The following IRGM variants were observed in gnomAD, a reference collection of about 807,000 sequenced individuals.
The protein encoded by IRGM is immunity related GTPase M.
For synonymous variants in IRGM, 98 were observed against 80.6 expected, an observed-to-expected ratio of 1.22 and a Z score of -1.16; for missense variants, 288 against 219.9, an observed-to-expected ratio of 1.31 and a Z score of -1.96.
chr5:150,894,257 G>GT (rs1042092628), intron 3 of IRGM: 5 of 151,570 alleles, frequency 3.3e-5, no homozygotes, highest in African/African-American at 1.2e-4. Context: ...GATAGTAGGT[G>GT]TTATCTTAGA....
At chr5:150,886,122 A>C (rs1037602993) in intron 3 of IRGM, among the ~76,000 whole-genome samples, 1 of 151,998 alleles carries the variant, frequency 6.6e-6, no homozygotes, top group African/African-American at 2.4e-5. Context: ...AAGCATGTTG[A>C]ATTTTATTGA....
intron 1 of IRGM, among the ~76,000 whole-genome samples, chr5:150,869,085 A>G (rs1040927153): frequency 1.6e-4 from 25 of 152,104 alleles, no homozygotes; most frequent in Admixed American, 1.6e-3. Flanking sequence ...AATTCTTTCA[A>G]CTTTTCCCCA....
chr5:150,882,875 C>T (rs114407816), intron 3 of IRGM, among the ~76,000 whole-genome samples: 1 of 152,130 alleles, frequency 6.6e-6, no homozygotes, highest in Non-Finnish European at 1.5e-5. Flanking sequence ...AGGGACCTAA[C>T]AGACATATAC....
chr5:150,890,489 A>G (rs10053750), intron 3 of IRGM, among the ~76,000 whole-genome samples: 31,698 of 151,706 alleles, frequency 0.21, 5,348 homozygotes, highest in African/African-American at 0.45. Flanking sequence ...GCTTTGAACC[A>G]ATCATTCTGC....
chr5:150,886,213 TTTC>T (rs1754519708), intron 3 of IRGM, among the ~76,000 whole-genome samples: 1 of 152,148 alleles, frequency 6.6e-6, no homozygotes, highest in Non-Finnish European at 1.5e-5. Flanking sequence ...ATTTATTTAT[TTTC>T]TTATGTTGAA....
chr5:150,891,257 TTTC>T (rs1265941809), intron 3 of IRGM, among the ~76,000 whole-genome samples: 1 of 152,086 alleles, frequency 6.6e-6, no homozygotes, highest in Non-Finnish European at 1.5e-5. Flanking sequence ...GCCTTCCAGA[TTTC>T]TTTTGTGTTA....
chr5:150,873,690 G>A (rs1421028130), intron 1 of IRGM, among the ~76,000 whole-genome samples: 2 of 152,156 alleles, frequency 1.3e-5, no homozygotes, highest in Non-Finnish European at 1.5e-5. Context: ...TTTCCCCAGT[G>A]CTGGAATGCA....
At chr5:150,872,488 G>A (rs1410228535) in intron 1 of IRGM, among the ~76,000 whole-genome samples, 1 of 152,188 alleles carries the variant, frequency 6.6e-6, no homozygotes, top group Non-Finnish European at 1.5e-5. Flanking sequence ...TTCATAGTGT[G>A]ACCCACAAGG....
chr5:150,902,089 G>A (rs752838108), downstream of IRGM, among the ~76,000 whole-genome samples: 1 of 152,098 alleles, frequency 6.6e-6, no homozygotes, highest in Non-Finnish European at 1.5e-5. Flanking sequence ...TGATTATCCT[G>A]GGAGAAGGTG....
At chr5:150,858,351 A>G (rs1034704785) in intron 1 of IRGM, among the ~76,000 whole-genome samples, 95 of 152,308 alleles carry the variant, frequency 6.2e-4, no homozygotes, top group African/African-American at 2.2e-3. Context: ...GTTTGAAGTC[A>G]GGTAGTGCGA....
intron 3 of IRGM, among the ~76,000 whole-genome samples, chr5:150,881,529 T>G (rs1050338349): frequency 6.6e-6 from 1 of 151,984 alleles, no homozygotes; most frequent in African/African-American, 2.4e-5. Context: ...TAAAAACATA[T>G]GAAAGTATAA....
chr5:150,850,729 A>AT (rs1411976390), downstream of IRGM, among the ~76,000 whole-genome samples: 1 of 152,004 alleles, frequency 6.6e-6, no homozygotes, highest in Non-Finnish European at 1.5e-5. Flanking sequence ...TGATTTTTAA[A>AT]TTTTTTTGTA....
intron 1 of IRGM, among the ~76,000 whole-genome samples, chr5:150,859,019 A>T (rs1164643791): frequency 6.6e-6 from 1 of 152,162 alleles, no homozygotes; most frequent in African/African-American, 2.4e-5. Flanking sequence ...TTCAATGGGA[A>T]TGCTTCCAGT....
At position 150,858,222 on chromosome 5, in the gene IRGM, G is replaced by A. The variant is rs1333632953; in HGVS notation, c.158+9568G>A. 7.9e-5 allele frequency among the ~76,000 whole-genome samples: 12 copies of A among 152,180 alleles called. No homozygotes were observed. In the South Asian group the frequency reaches 2.1e-3, roughly 26 times the overall value. On this transcript the variant is annotated intron_variant and NMD_transcript_variant, in intron 1 of 3. Coordinates refer to the IRGM transcript ENST00000520549. ...GCTTGTTTTTGTCAGGTTTGTCAAA[G>A]ATCAGATAGTTGTAGATATGCGGCA...
intron 1 of IRGM, among the ~76,000 whole-genome samples, chr5:150,854,139 A>G (rs992802807): frequency 2.0e-5 from 3 of 152,104 alleles, no homozygotes; most frequent in African/African-American, 7.2e-5. Context: ...GTACAAAGTT[A>G]TAACAATCTA....
At chr5:150,848,820 C>T (rs544951263), downstream of IRGM, among the ~76,000 whole-genome samples, 1 of 152,180 alleles carries the variant, frequency 6.6e-6, no homozygotes, top group Admixed American at 6.5e-5. Context: ...TCTTTGAGAT[C>T]TTTTGAGTGT....
rs1753871485 is a variant in IRGM, at chr5:150,846,938, A to C, written c.-698A>C. Reference sequence around the variant, plus strand: ...CGAAGAACCCACCAATTCCGGTAGGAGTAGGAAATCACATCACCTTCTTTT... The same window carrying C: ...CGAAGAACCCACCAATTCCGGTAGGCGTAGGAAATCACATCACCTTCTTTT... On this transcript the variant is annotated 5_prime_UTR_variant, in exon 1 of 2. Coordinates refer to ENST00000522154, the MANE Select transcript of IRGM (RefSeq NM_001145805.2). The C allele has an allele frequency of 6.5e-6, 1 of 152,966 alleles. No homozygotes were observed. The highest frequency in any genetic ancestry group is 2.4e-5 in the African/African-American group (1 of 41,480). 9.5% of individuals were successfully genotyped at this position (152,966 alleles called of 1,614,324 possible). A position where few individuals can be genotyped will look rare whatever the true frequency, so the allele number is the denominator to read the frequency against.
At chr5:150,897,951 G>T in intron 3 of IRGM, 2 of 1,320,398 alleles carry the variant, frequency 1.5e-6, no homozygotes, top group Non-Finnish European at 2.1e-6. Flanking sequence ...CTTGTTGAGT[G>T]ACTACTAAAT....
At chr5:150,885,622 A>G (rs1754509254) in intron 3 of IRGM, among the ~76,000 whole-genome samples, 1 of 151,868 alleles carries the variant, frequency 6.6e-6, no homozygotes, top group Admixed American at 6.6e-5. Flanking sequence ...TATTGTAGAG[A>G]TCATTCACCT....
Sources: gnomAD v4.1 joint callset for allele counts (sites outside exome capture counted in the v4.1 genomes callset) on GRCh38, gnomAD v4.1.1 for gene constraint, MANE v1.5 for transcripts, NCBI Gene and HGNC (gene_info 2026-07-23, HGNC 2026-07-21) for gene names.